MOSMO: variants seen among roughly 807,000 people sequenced by gnomAD.
MOSMO encodes modulator of smoothened, also known as modulator of smoothened protein.
Under a neutral mutation model 18.4 loss-of-function variants are expected in MOSMO, and 5 were observed. That is an observed-to-expected ratio of 0.27 (90% CI 0.14 to 0.57). MOSMO has a LOEUF of 0.57. MOSMO is among the 20% of genes least tolerant of loss of function. MOSMO has a pLI of 0.92. For synonymous variants in MOSMO, 82 were observed against 82.3 expected, an observed-to-expected ratio of 1.00 and a Z score of 0.02; for missense variants, 138 against 211.8, an observed-to-expected ratio of 0.65 and a Z score of 2.16.
intron 1 of MOSMO, among the ~76,000 whole-genome samples, chr16:22,074,188 C>T (rs1198151990): frequency 1.3e-5 from 2 of 152,216 alleles, no homozygotes; most frequent in African/African-American, 2.4e-5. Context: ...CTAGGAATTT[C>T]ACCAGTTCCC....
chr16:22,091,651 A>G (rs1418973594), downstream of MOSMO, among the ~76,000 whole-genome samples: 1 of 152,170 alleles, frequency 6.6e-6, no homozygotes, highest in Non-Finnish European at 1.5e-5. Context: ...TCAGCCTCCC[A>G]AAGTGCTGGG....
chr16:22,070,671 T>C (rs1900830875), intron 1 of MOSMO, among the ~76,000 whole-genome samples: 1 of 152,214 alleles, frequency 6.6e-6, no homozygotes, highest in East Asian at 1.9e-4. Context: ...TCTTTTTTTT[T>C]GGCCAGTTTG....
chr16:22,019,185 A>G (rs1025277466), intron 1 of MOSMO, among the ~76,000 whole-genome samples: 1 of 152,114 alleles, frequency 6.6e-6, no homozygotes, highest in Admixed American at 6.6e-5. Flanking sequence ...GACAAAAGAC[A>G]CTCAAGGATT....
At chr16:22,090,720 A>T (rs1021301158), downstream of MOSMO, among the ~76,000 whole-genome samples, 5 of 152,220 alleles carry the variant, frequency 3.3e-5, no homozygotes, top group African/African-American at 9.6e-5. Flanking sequence ...AGCCTAAGGT[A>T]GGAGAAATGT....
At chr16:22,090,535 G>C (rs1471653677), downstream of MOSMO, among the ~76,000 whole-genome samples, 2 of 152,070 alleles carry the variant, frequency 1.3e-5, no homozygotes, top group Admixed American at 6.5e-5. Context: ...GTTACTTCAG[G>C]CTACTGCTTC....
At chr16:22,080,232 C>T (rs563998090) in intron 2 of MOSMO, among the ~76,000 whole-genome samples, 1 of 152,286 alleles carries the variant, frequency 6.6e-6, no homozygotes, top group Admixed American at 6.5e-5. Flanking sequence ...TCATTCAGCA[C>T]TTACTGTTAC....
chr16:22,033,390 TTTTG>T (rs943435559), intron 1 of MOSMO, among the ~76,000 whole-genome samples: 40 of 152,198 alleles, frequency 2.6e-4, no homozygotes, highest in Admixed American at 7.8e-4. Context: ...CTTGTACTTT[TTTTG>T]TTTGTTTTTT....
At chr16:22,026,221 T>C (rs920412207) in intron 1 of MOSMO, among the ~76,000 whole-genome samples, 2 of 149,688 alleles carry the variant, frequency 1.3e-5, no homozygotes, top group East Asian at 3.9e-4. Flanking sequence ...CATTCTTTTT[T>C]TTTTTTTTTT....
intron 2 of MOSMO, among the ~76,000 whole-genome samples, chr16:22,077,635 G>C (rs1239743490): frequency 6.6e-6 from 1 of 152,018 alleles, no homozygotes; most frequent in Non-Finnish European, 1.5e-5. Flanking sequence ...TCTGTATCTT[G>C]GTTTTTAAAC....
intron 1 of MOSMO, among the ~76,000 whole-genome samples, chr16:22,024,015 A>T (rs568201328): frequency 2.9e-5 from 4 of 136,392 alleles, no homozygotes; most frequent in East Asian, 5.4e-4. Context: ...ATATATATAT[A>T]TTTTCTTAAG....
At chr16:22,049,493 G>A (rs1450213308) in intron 1 of MOSMO, among the ~76,000 whole-genome samples, 1 of 152,016 alleles carries the variant, frequency 6.6e-6, no homozygotes, top group Non-Finnish European at 1.5e-5. Flanking sequence ...TGTTCTGTAT[G>A]CCATCTTATA....
intron 1 of MOSMO, among the ~76,000 whole-genome samples, chr16:22,039,303 A>T (rs1567505538): frequency 2.0e-5 from 3 of 152,158 alleles, no homozygotes; most frequent in Admixed American, 1.3e-4. Context: ...AAGCTAGGTG[A>T]CCTTAGGCAA....
intron 1 of MOSMO, among the ~76,000 whole-genome samples, chr16:22,054,360 T>C (rs963851953): frequency 6.6e-5 from 10 of 152,206 alleles, no homozygotes; most frequent in African/African-American, 2.2e-4. Flanking sequence ...CCTCCCAAAG[T>C]GCTGGACATA....
At chr16:22,063,971 G>A (rs1391431807) in intron 1 of MOSMO, among the ~76,000 whole-genome samples, 2 of 152,172 alleles carry the variant, frequency 1.3e-5, no homozygotes, top group East Asian at 3.9e-4. Flanking sequence ...TTCAAAACCT[G>A]GGTTTTAGTC....
At chr16:22,048,662 A>G (rs1303557565) in intron 1 of MOSMO, among the ~76,000 whole-genome samples, 3 of 152,022 alleles carry the variant, frequency 2.0e-5, no homozygotes, top group African/African-American at 7.2e-5. Flanking sequence ...TATAGTTGTG[A>G]ATATTTTCTC....
At chr16:22,091,969 C>T (rs1272854520), downstream of MOSMO, among the ~76,000 whole-genome samples, 3 of 152,290 alleles carry the variant, frequency 2.0e-5, no homozygotes, top group East Asian at 5.8e-4. Flanking sequence ...AGTTCTGAAT[C>T]AATCTCCTGA....
At chr16:22,067,835 G>A (rs1224489139) in intron 1 of MOSMO, among the ~76,000 whole-genome samples, 3 of 151,810 alleles carry the variant, frequency 2.0e-5, no homozygotes, top group Admixed American at 6.6e-5. Flanking sequence ...AGCCAAGATC[G>A]TGCCACTGCC....
intron 2 of MOSMO, chr16:22,076,033 T>A (rs1809227391): frequency 4.1e-6 from 1 of 243,066 alleles, no homozygotes; most frequent in Non-Finnish European, 8.2e-6. Context: ...GTATCATCTA[T>A]CAAAATAAAG....
At chr16:22,034,418 A>G (rs1900059823) in intron 1 of MOSMO, among the ~76,000 whole-genome samples, 1 of 152,078 alleles carries the variant, frequency 6.6e-6, no homozygotes. Flanking sequence ...AATTCTCTCA[A>G]TTTTTGTTTG....
Sources: gnomAD v4.1 joint callset for allele counts (sites outside exome capture counted in the v4.1 genomes callset) on GRCh38, gnomAD v4.1.1 for gene constraint, MANE v1.5 for transcripts, NCBI Gene and HGNC (gene_info 2026-07-23, HGNC 2026-07-21) for gene names.